The following PEX13 variants were observed in gnomAD, a reference collection of about 807,000 sequenced individuals.
PEX13 encodes peroxisome biogenesis factor 13.
In PEX13, 28 loss-of-function variants were observed where a neutral mutation model predicts 34.5. That is an observed-to-expected ratio of 0.81 (90% CI 0.60 to 1.11). The LOEUF (loss-of-function observed/expected upper bound fraction) is 1.11, where lower values mean the gene tolerates loss of function less well. Ranked by LOEUF, PEX13 falls within the 50% of genes most tolerant of loss-of-function variation. The pLI is 0.00. For synonymous variants in PEX13, 177 were observed against 175.1 expected, an observed-to-expected ratio of 1.01 and a Z score of -0.09; for missense variants, 550 against 491.0, an observed-to-expected ratio of 1.12 and a Z score of -1.13.
chr2:61,024,819 C>T (rs984263295), intron 1 of PEX13, among the ~76,000 whole-genome samples: 1 of 151,454 alleles, frequency 6.6e-6, no homozygotes, highest in African/African-American at 2.4e-5. Context: ...AGAACAAAAA[C>T]AAAAACAAAA....
intron 2 of PEX13, among the ~76,000 whole-genome samples, chr2:61,043,332 T>TAAAA (rs36040457): frequency 8.2e-5 from 6 of 73,604 alleles, no homozygotes; most frequent in African/African-American, 1.2e-4. Flanking sequence ...CTGTCTCTAC[T>TAAAA]AAAAAAAAAA....
chr2:61,034,848 G>A (rs560758636), intron 2 of PEX13, among the ~76,000 whole-genome samples: 1 of 152,368 alleles, frequency 6.6e-6, no homozygotes, highest in South Asian at 2.1e-4. Context: ...CCACAGCTCA[G>A]CAAGGACTAT....
chr2:61,040,755 G>A (rs1470210460), intron 2 of PEX13, among the ~76,000 whole-genome samples: 1 of 144,124 alleles, frequency 6.9e-6, no homozygotes, highest in Non-Finnish European at 1.5e-5. Context: ...ATATATATAG[G>A]TATATACATA....
At chr2:61,027,051 G>A (rs1288145678) in intron 1 of PEX13, among the ~76,000 whole-genome samples, 3 of 151,984 alleles carry the variant, frequency 2.0e-5, no homozygotes, top group African/African-American at 4.8e-5. Context: ...GACTGGGCAT[G>A]GTGGCTCACA....
chr2:61,024,381 C>G (rs1680314970), intron 1 of PEX13, among the ~76,000 whole-genome samples: 1 of 152,206 alleles, frequency 6.6e-6, no homozygotes, highest in African/African-American at 2.4e-5. Flanking sequence ...CCCCATATGT[C>G]ACTATACTCC....
At position 61,051,166 on chromosome 2, in the gene PEX13, A is replaced by C. The variant is rs1680792431; in HGVS notation, c.*2396A>C. ...ATCTTTGGCCAGTTTTCCAACACCC[A>C]GGTATTAGCCTTGAAGTTGAAGAGA... On this transcript the variant is annotated 3_prime_UTR_variant, in exon 4 of 4. Coordinates refer to ENST00000295030, the MANE Select transcript of PEX13 (RefSeq NM_002618.4). 6.6e-6 allele frequency: 1 copy of C among 152,254 alleles called. No individual in the cohort carries two copies. The highest frequency in any genetic ancestry group is 1.5e-5 in the Non-Finnish European group (1 of 68,036). 9.4% of individuals were successfully genotyped at this position (152,254 alleles called of 1,614,324 possible).
chr2:61,048,677 G>A lies in PEX13; in HGVS notation c.1119G>A (p.Gln373=). 6.2e-7 allele frequency: 1 copy of A among 1,613,828 alleles called. No homozygotes were observed. The highest frequency in any genetic ancestry group is 8.5e-7 in the Non-Finnish European group (1 of 1,179,698). The part of the protein sequence containing the change: ...GATVADSLDE[Q]EAAFESVFVE... ...CGGTTGCTGATTCTTTGGATGAACA[G>A]GAAGCTGCCTTTGAATCTGTTTTTG... The change falls in exon 4 of 4, where the codon CAG becomes CAA. Residue 373 remains glutamine, a synonymous_variant. Coordinates refer to ENST00000295030, the MANE Select transcript of PEX13 (RefSeq NM_002618.4).
chr2:61,045,942 G>C (rs1573560784), intron 3 of PEX13, 91 bp downstream of exon 3: 2 of 1,107,870 alleles, frequency 1.8e-6, no homozygotes, highest in Non-Finnish European at 2.7e-6. Context: ...CTTGTTCATT[G>C]TTAGTTAACT....
At chr2:61,043,139 G>T (rs187790408) in intron 2 of PEX13, among the ~76,000 whole-genome samples, 1 of 152,076 alleles carries the variant, frequency 6.6e-6, no homozygotes, top group East Asian at 1.9e-4. Context: ...CCCCAGAACT[G>T]TGAGCAAATA....
At chr2:61,027,944 C>T (rs761906231) in intron 1 of PEX13, among the ~76,000 whole-genome samples, 4 of 152,160 alleles carry the variant, frequency 2.6e-5, no homozygotes, top group South Asian at 2.1e-4. Context: ...TATAATATTA[C>T]GATACAAGTC....
chr2:61,038,843 A>G (rs1343492783), intron 2 of PEX13, among the ~76,000 whole-genome samples: 1 of 152,208 alleles, frequency 6.6e-6, no homozygotes, highest in Non-Finnish European at 1.5e-5. Context: ...ACATGGTTGT[A>G]TATTTAGAAA....
At chr2:61,045,030 C>T (rs895887523) in intron 2 of PEX13, among the ~76,000 whole-genome samples, 13 of 152,090 alleles carry the variant, frequency 8.5e-5, no homozygotes, top group Admixed American at 2.0e-4. Context: ...GATTAATCTG[C>T]AATGTAATAA....
At chr2:61,021,724 G>A (rs1037762960) in intron 1 of PEX13, among the ~76,000 whole-genome samples, 2 of 152,208 alleles carry the variant, frequency 1.3e-5, no homozygotes, top group African/African-American at 4.8e-5. Context: ...CCTCAAGTGG[G>A]TCCCTGACCC....
chr2:61,018,463 G>A, intron 1 of PEX13: 2 of 794,966 alleles, frequency 2.5e-6, no homozygotes, highest in Non-Finnish European at 1.8e-6. Flanking sequence ...TTTTTCTGAG[G>A]CCTGTATTTT....
At chr2:61,047,421 T>C (rs542484671) in intron 3 of PEX13, among the ~76,000 whole-genome samples, 5 of 152,338 alleles carry the variant, frequency 3.3e-5, no homozygotes, top group African/African-American at 1.2e-4. Flanking sequence ...CCCAAGGTGC[T>C]GGAATTACAG....
rs546521757 is a variant in PEX13, at chr2:61,038,649, A to T, written c.787+6536A>T. Among the ~76,000 whole-genome samples the T allele has an allele frequency of 5.9e-5, 9 of 151,678 alleles. No individual in the cohort carries two copies. In the East Asian group the frequency reaches 1.5e-3, roughly 26 times the overall value. ...TTATGACAAATCCACACCTAATATC[A>T]TACTGAATGGGCAAAAACTGGAAGC... is the stretch of plus-strand genomic sequence containing the variant. On this transcript the variant is annotated intron_variant, in intron 2 of 3. Transcript: ENST00000295030.
At chr2:61,035,711 T>C (rs56075037) in intron 2 of PEX13, among the ~76,000 whole-genome samples, 13,102 of 152,148 alleles carry the variant, frequency 0.086, 1,891 homozygotes, top group African/African-American at 0.3. Flanking sequence ...TGGCCAGGCA[T>C]GGTGGCACAC....
intron 1 of PEX13, chr2:61,018,313 A>T (rs752951060): frequency 6.5e-7 from 1 of 1,548,800 alleles, no homozygotes; most frequent in Non-Finnish European, 8.7e-7. Context: ...TTTACGCAAC[A>T]GGAACTCAAG....
At chr2:61,026,170 C>T (rs770467802) in intron 1 of PEX13, among the ~76,000 whole-genome samples, 1 of 151,958 alleles carries the variant, frequency 6.6e-6, no homozygotes, top group Non-Finnish European at 1.5e-5. Flanking sequence ...CTTCCTATTT[C>T]CTTCCCTTCT....
Sources: allele counts gnomAD v4.1 joint callset (sites outside exome capture counted in the v4.1 genomes callset), GRCh38; gene constraint gnomAD v4.1.1; transcripts MANE v1.5; gene names NCBI Gene and HGNC (gene_info 2026-07-23, HGNC 2026-07-21).